The following ACAP1 variants were observed in gnomAD, a reference collection of about 807,000 sequenced individuals.
ACAP1 encodes the protein ArfGAP with coiled-coil, ankyrin repeat and PH domains 1, also known as arf-GAP with coiled-coil, ANK repeat and PH domain-containing protein 1.
A neutral mutation model predicts 98.8 loss-of-function variants in ACAP1; 45 were observed. That is an observed-to-expected ratio of 0.46 (90% CI 0.36 to 0.58). The LOEUF (loss-of-function observed/expected upper bound fraction) is 0.58. Among genes scored for constraint, ACAP1 ranks in the 20% least tolerant of loss-of-function variants. ACAP1 has a pLI of 0.00. For synonymous variants in ACAP1, 362 were observed against 375.3 expected (o/e 0.96, Z 0.41); for missense variants, 735 against 971.4 (o/e 0.76, Z 3.24).
chr17:7,349,145 C>T lies in ACAP1; in HGVS notation c.1829C>T (p.Pro610Leu), dbSNP rs1167051611. ...WVNGGQDNATPLIQATAANSL... is the reference protein window; with the variant it reads ...WVNGGQDNATLLIQATAANSL... ...AATGGGGGCCAAGATAATGCCACAC[C>T]GCTGATCCAGGCCACAGCTGCTGTA... Residue 610 changes from proline (P) to leucine (L), a missense_variant, in exon 18 of 22, where the codon CCG becomes CTG. By Grantham distance (98) the Pro-to-Leu change is moderately conservative. Transcript: ENST00000158762. The T allele has an allele frequency of 1.2e-5, 19 of 1,613,840 alleles. No homozygotes were observed. Among genetic ancestry groups the T allele is most frequent in the East Asian group, 4.5e-5 (2 of 44,878 alleles).
In ACAP1 at chr17:7,348,005, TTG is replaced by T. The variant is rs1266558139; in HGVS notation, c.1413+17_1413+18del. The T allele has an allele frequency of 6.2e-7, 1 of 1,613,962 alleles. No homozygotes were observed. The highest frequency in any genetic ancestry group is 1.3e-5 in the African/African-American group (1 of 75,036). ...GAACTAGTGAAGGTAACTTAGCGTA[TTG>T]TGAAGATTGGGGGCAAGAACTTGGG... On this transcript the variant is annotated intron_variant, in intron 15 of 21. Coordinates refer to ENST00000158762, the MANE Select transcript of ACAP1 (RefSeq NM_014716.4).
rs1319236171 is a variant in ACAP1 at position 7,346,071 on chromosome 17, C to T, written c.855-173C>T. 2.1e-5 allele frequency: 14 copies of T among 681,662 alleles called. No individual in the cohort carries two copies. The East Asian group carries it at 3.3e-4, about 16-fold the overall frequency. 42.2% of individuals were successfully genotyped at this position (681,662 alleles called of 1,614,324 possible). On this transcript the variant is annotated intron_variant, in intron 10 of 21. Transcript: ENST00000158762. ...GGGTTGTCCAAGATAGGAATAGCAT[C>T]CTTTAGATGTTCCAATCTGCACAAT...
rs762683718 is a variant in ACAP1 at position 7,344,154 on chromosome 17, G to A, written c.744+31G>A. The A allele has an allele frequency of 5.2e-6, 8 of 1,552,302 alleles. No homozygotes were observed. The highest frequency in any genetic ancestry group is 3.6e-5 in the South Asian group (3 of 84,334). On this transcript the variant is annotated intron_variant, in intron 9 of 21. Transcript: ENST00000158762. This position sits in a 1 kb window ranked among gnomAD's most constrained non-coding sequence, Gnocchi z 4.9. ...GGGCCAGGTGCGGTGGCCCACGACC[G>A]TCATCCCAACATGTTGGGAGGCTGA...
At chr17:7,349,317 AGT>A in intron 18 of ACAP1, 150 bp downstream of exon 18, 3 of 832,430 alleles carry the variant, frequency 3.6e-6, no homozygotes, top group Middle Eastern at 3.6e-4. Flanking sequence ...GGTTGCTAAG[AGT>A]GTGTGATTTG....
chr17:7,348,111 C>T lies in ACAP1; in HGVS notation c.1414-16C>T. 3 of 1,613,780 alleles carry T rather than the reference C, an allele frequency of 1.9e-6. No individual in the cohort carries two copies. The highest frequency in any genetic ancestry group is 1.7e-6 in the Non-Finnish European group (2 of 1,179,748). On this transcript the variant is annotated splice_polypyrimidine_tract_variant and intron_variant, in intron 15 of 21. Coordinates refer to ENST00000158762, the MANE Select transcript of ACAP1 (RefSeq NM_014716.4). ...CCCACCTTCCCTGTCTCTGCCTCTG[C>T]CTGGGCCTCCTGAAGCTCATGTGTG...
Position 7,337,367 on chromosome 17 carries a change from AAGGTGACCCTGACATGGAG to A in ACAP1, c.111+8_111+26del. 1 of 1,614,106 alleles carries A rather than the reference AAGGTGACCCTGACATGGAG, an allele frequency of 6.2e-7. No homozygotes were observed. The highest frequency in any genetic ancestry group is 8.5e-7 in the Non-Finnish European group (1 of 1,179,980). ...GTCAGAATTGGAGACCCGTCTGGAA[AAGGTGACCCTGACATGGAG>A]AGGTGACCCAGGAGTGGATTAGGTT... On this transcript the variant is annotated splice_donor_variant and splice_donor_5th_base_variant and coding_sequence_variant and intron_variant, in exon 2 of 22. Coordinates refer to ENST00000158762, the MANE Select transcript of ACAP1 (RefSeq NM_014716.4). LOFTEE classifies it high-confidence loss of function.
chr17:7,346,030 T>A (rs2073342629), intron 10 of ACAP1: 4 of 568,428 alleles, frequency 7.0e-6, no homozygotes, highest in Non-Finnish European at 1.3e-5. Context: ...GTTGTCTTCA[T>A]AACTATATGA....
At chr17:7,341,650 G>A (rs2073280048) in intron 2 of ACAP1, among the ~76,000 whole-genome samples, 1 of 152,232 alleles carries the variant, frequency 6.6e-6, no homozygotes, top group African/African-American at 2.4e-5. Context: ...ATATGTGCGA[G>A]TGGACAGGGA....
intron 2 of ACAP1, among the ~76,000 whole-genome samples, chr17:7,337,675 G>A (rs768560429): frequency 2.0e-5 from 3 of 152,004 alleles, no homozygotes; most frequent in Admixed American, 6.6e-5. Flanking sequence ...CTAACATGGC[G>A]AAACCCCATC....
chr17:7,337,184 TG>T (rs1042429444), intron 1 of ACAP1, 127 bp from the exon 2 acceptor site: 6 of 838,968 alleles, frequency 7.2e-6, no homozygotes, highest in Non-Finnish European at 1.2e-5. Context: ...AGTAGGTGGG[TG>T]GGGGGCGAGC....
Position 7,336,655 on chromosome 17 carries a change from C to T in ACAP1, c.-80C>T. ...CCTCCTTCCCCCTCATCTCCCCTTC[C>T]TGGGACAGAAAGTGCCTCCACCTGC... On this transcript the variant is annotated 5_prime_UTR_variant, in exon 1 of 22. Transcript: ENST00000158762. 6.7e-7 allele frequency: 1 copy of T among 1,497,974 alleles called. No homozygotes were observed. Among genetic ancestry groups the T allele is most frequent in the Non-Finnish European group, 9.3e-7 (1 of 1,076,238 alleles). 92.8% of individuals were successfully genotyped at this position (1,497,974 alleles called of 1,614,324 possible).
In ACAP1 at chr17:7,343,855, C is replaced by T. The variant is rs1323123676; in HGVS notation, c.574-6C>T. 28 of 1,613,830 alleles carry T rather than the reference C, an allele frequency of 1.7e-5. No homozygotes were observed. Among genetic ancestry groups the T allele is most frequent in the African/African-American group, 4.0e-5 (3 of 74,886 alleles). ...CAGCCTTCCCACTGCCCGCCTTGTC[C>T]CCCAGGTGCTGCGTTTGGTGGAGGC... On this transcript the variant is annotated splice_region_variant and splice_polypyrimidine_tract_variant and intron_variant, in intron 7 of 21. Coordinates refer to ENST00000158762, the MANE Select transcript of ACAP1 (RefSeq NM_014716.4). This position sits in a 1 kb window ranked among gnomAD's most constrained non-coding sequence, Gnocchi z 4.9.
Position 7,336,639 on chromosome 17 carries a change from C to T in ACAP1, c.-96C>T, listed in dbSNP as rs868499148. 8.7e-5 allele frequency: 117 copies of T among 1,338,144 alleles called. 1 individual carries two copies. The Middle Eastern group carries it at 1.9e-3, about 22-fold the overall frequency. The allele number at this position is 1,338,144 out of a possible 1,614,324, so 82.9% of individuals were successfully genotyped here. On this transcript the variant is annotated 5_prime_UTR_variant, in exon 1 of 22. Coordinates refer to ENST00000158762, the MANE Select transcript of ACAP1 (RefSeq NM_014716.4). The stretch of plus-strand genomic sequence containing the variant: ...CCGCGGAGGTCCCTCTCCTCCTTCC[C>T]CCTCATCTCCCCTTCCTGGGACAGA...
intron 5 of ACAP1, chr17:7,342,907 CAAAA>C (rs35515243): frequency 2.2e-3 from 152 of 68,886 alleles, no homozygotes; most frequent in South Asian, 6.9e-3. Context: ...GACTCTGCCT[CAAAA>C]AAAAAAAAAA....
intron 10 of ACAP1, chr17:7,345,325 T>A (rs1026097396): frequency 6.6e-6 from 1 of 152,058 alleles, no homozygotes; most frequent in Admixed American, 6.6e-5. Flanking sequence ...TTTTCTTTTT[T>A]TTTTTCTGTT....
chr17:7,340,465 GAC>G (rs1239361935), intron 2 of ACAP1, among the ~76,000 whole-genome samples: 5 of 152,174 alleles, frequency 3.3e-5, no homozygotes, highest in African/African-American at 9.6e-5. Flanking sequence ...AAAAAAACTA[GAC>G]ACAGAGTCCT....
At chr17:7,341,821 C>A in intron 2 of ACAP1, 127 bp from the exon 3 acceptor site, 2 of 1,334,870 alleles carry the variant, frequency 1.5e-6, no homozygotes, top group Non-Finnish European at 2.1e-6. Flanking sequence ...GCCTGGAGGG[C>A]AGTGAGGCCA....
rs781276010 is a variant in ACAP1, at chr17:7,343,845, CCG to C, written c.574-14_574-13del. The C allele has an allele frequency of 6.2e-7, 1 of 1,614,020 alleles. No homozygotes were observed. Among genetic ancestry groups the C allele is most frequent in the South Asian group, 1.1e-5 (1 of 91,088 alleles). On this transcript the variant is annotated splice_polypyrimidine_tract_variant and intron_variant, in intron 7 of 21. Transcript: ENST00000158762. This position sits in a 1 kb window ranked among gnomAD's most constrained non-coding sequence, Gnocchi z 4.9. ...GGTTCTTCCTCAGCCTTCCCACTGC[CCG>C]CCTTGTCCCCCAGGTGCTGCGTTTG...
At chr17:7,342,117 T>G (rs1268490971) in intron 3 of ACAP1, 50 bp downstream of exon 3, 2 of 1,608,602 alleles carry the variant, frequency 1.2e-6, no homozygotes, top group Non-Finnish European at 1.7e-6. Flanking sequence ...GATGAGGAGG[T>G]GATGCTGTGG....
Sources: allele counts gnomAD v4.1 joint callset (sites outside exome capture counted in the v4.1 genomes callset), GRCh38; gene constraint gnomAD v4.1.1; non-coding constraint Gnocchi (gnomAD v3.1); transcripts MANE v1.5; gene names NCBI Gene and HGNC (gene_info 2026-07-23, HGNC 2026-07-21).